The following FCHO2 variants were observed in gnomAD, a reference collection of about 807,000 sequenced individuals.
FCHO2 encodes F-BAR domain only protein 2.
In FCHO2, 43 loss-of-function variants were observed where a neutral mutation model predicts 114.1. That is an observed-to-expected ratio of 0.38 (90% CI 0.30 to 0.49). The LOEUF (loss-of-function observed/expected upper bound fraction) is 0.49, where lower values mean the gene tolerates loss of function less well. Among genes scored for constraint, FCHO2 ranks in the 20% least tolerant of loss-of-function variants. FCHO2 has a pLI of 0.97. For missense variants in FCHO2, 807 were observed against 950.4 expected, an observed-to-expected ratio of 0.85 and a Z score of 1.98; for synonymous variants, 293 against 315.2, an observed-to-expected ratio of 0.93 and a Z score of 0.75.
At chr5:73,004,294 C>T (rs1237212019) in intron 5 of FCHO2, among the ~76,000 whole-genome samples, 2 of 151,840 alleles carry the variant, frequency 1.3e-5, no homozygotes, top group Non-Finnish European at 2.9e-5. Flanking sequence ...TTAGCTGTTA[C>T]GTATTTGAAC....
chr5:73,069,734 A>G (rs562636927), intron 19 of FCHO2, among the ~76,000 whole-genome samples: 38 of 152,224 alleles, frequency 2.5e-4, no homozygotes, highest in African/African-American at 8.7e-4. Flanking sequence ...AAGCATAGCT[A>G]TATGAACCTA....
chr5:72,990,682 C>A, intron 4 of FCHO2, 30 bp from the exon 5 acceptor site: 1 of 1,537,678 alleles, frequency 6.5e-7, no homozygotes, highest in South Asian at 1.3e-5. Flanking sequence ...ATAGTTCAGT[C>A]ATTTTGATGG....
chr5:73,014,428 A>T (rs1379714319), intron 6 of FCHO2, among the ~76,000 whole-genome samples: 1 of 151,462 alleles, frequency 6.6e-6, no homozygotes, highest in East Asian at 2.0e-4. Flanking sequence ...AGCTGGGATT[A>T]CAGGCACGCG....
intron 1 of FCHO2, among the ~76,000 whole-genome samples, chr5:72,963,434 T>C (rs185198249): frequency 2.6e-4 from 39 of 152,332 alleles, no homozygotes; most frequent in Non-Finnish European, 4.4e-4. Flanking sequence ...AAATTCAAGA[T>C]AGATTCTACT....
At chr5:73,012,646 A>G (rs1580100843) in intron 6 of FCHO2, among the ~76,000 whole-genome samples, 1 of 152,006 alleles carries the variant, frequency 6.6e-6, no homozygotes, top group African/African-American at 2.4e-5. Flanking sequence ...AAATTAATGT[A>G]ACAATACATG....
intron 20 of FCHO2, 78 bp downstream of exon 20, chr5:73,074,931 T>C: frequency 8.9e-7 from 1 of 1,126,832 alleles, no homozygotes; most frequent in Non-Finnish European, 1.2e-6. Flanking sequence ...GGTGGTAAAT[T>C]TTAAGAATTA....
At chr5:73,002,645 A>AT (rs972791831) in intron 5 of FCHO2, among the ~76,000 whole-genome samples, 2 of 152,208 alleles carry the variant, frequency 1.3e-5, no homozygotes, top group African/African-American at 4.8e-5. Flanking sequence ...TTATTCAAAT[A>AT]TTTTTCTGAT....
chr5:72,960,847 T>C (rs561648830), intron 1 of FCHO2, among the ~76,000 whole-genome samples: 2 of 152,286 alleles, frequency 1.3e-5, no homozygotes, highest in East Asian at 3.9e-4. Context: ...CTATATACGA[T>C]ATGAAGCATT....
chr5:72,983,656 C>T (rs958277931), intron 2 of FCHO2, among the ~76,000 whole-genome samples: 11 of 150,970 alleles, frequency 7.3e-5, no homozygotes, highest in African/African-American at 1.9e-4. Context: ...CCCAAAGTGC[C>T]GGGATTTTAC....
rs1580139746 is a variant in FCHO2 at position 73,034,720 on chromosome 5, AT to A, written c.841+20del. On this transcript the variant is annotated intron_variant, in intron 9 of 25. Transcript: ENST00000430046. ...GTTGAAGGTAAGTTGATTAGTTATA[AT>A]ATGTTAATGCACATGGCAGCTAGCT... 6.4e-7 allele frequency: 1 copy of A among 1,574,492 alleles called. No individual in the cohort carries two copies. Among genetic ancestry groups the A allele is most frequent in the Middle Eastern group, 1.7e-4 (1 of 5,918 alleles).
rs542003065 is a variant in FCHO2, at chr5:72,998,554, C to T, written c.495+7690C>T. On this transcript the variant is annotated intron_variant, in intron 5 of 25. Coordinates refer to ENST00000430046, the MANE Select transcript of FCHO2 (RefSeq NM_138782.3). ...TTGGTAGATACTATAACATTCATGC[C>T]CAACAGTGAATTGGTATGGGTTTCA... 2.6e-5 allele frequency among the ~76,000 whole-genome samples: 4 copies of T among 151,928 alleles called. No homozygotes were observed. The South Asian group carries it at 8.3e-4, about 32-fold the overall frequency.
intron 18 of FCHO2, among the ~76,000 whole-genome samples, chr5:73,066,391 C>T (rs1038527603): frequency 6.6e-6 from 1 of 151,882 alleles, no homozygotes; most frequent in African/African-American, 2.4e-5. Flanking sequence ...TTATTATAAA[C>T]AATGTCTTAA....
chr5:73,045,894 G>T (rs1407685451), intron 11 of FCHO2, among the ~76,000 whole-genome samples: 1 of 152,024 alleles, frequency 6.6e-6, no homozygotes, highest in African/African-American at 2.4e-5. Context: ...TTGTTCCTCT[G>T]TTTTTGTTTC....
chr5:73,010,397 G>A (rs1223353715), intron 6 of FCHO2, among the ~76,000 whole-genome samples: 1 of 152,160 alleles, frequency 6.6e-6, no homozygotes, highest in East Asian at 1.9e-4. Flanking sequence ...GCAGTGAGAT[G>A]GCTAGTTTAT....
At chr5:73,038,444 T>G (rs906545812) in intron 10 of FCHO2, among the ~76,000 whole-genome samples, 2 of 152,192 alleles carry the variant, frequency 1.3e-5, no homozygotes, top group African/African-American at 4.8e-5. Flanking sequence ...CGATCAAAAG[T>G]CTTGAGTCAA....
intron 9 of FCHO2, among the ~76,000 whole-genome samples, chr5:73,036,295 G>A (rs990457590): frequency 4.6e-5 from 7 of 152,086 alleles, no homozygotes; most frequent in African/African-American, 1.7e-4. Context: ...GTTTGTATTA[G>A]GGACAACATT....
chr5:73,000,471 TAAAAAAA>T (rs759939269), intron 5 of FCHO2, among the ~76,000 whole-genome samples: 1 of 74,422 alleles, frequency 1.3e-5, no homozygotes, highest in Admixed American at 1.7e-4. Context: ...AACTCAGTCT[TAAAAAAA>T]AAAAAAAAAA....
At chr5:72,975,429 C>G (rs138655136) in intron 2 of FCHO2, among the ~76,000 whole-genome samples, 1 of 152,126 alleles carries the variant, frequency 6.6e-6, no homozygotes, top group African/African-American at 2.4e-5. Context: ...TGGATTCAAG[C>G]GATTCTTGTG....
intron 22 of FCHO2, among the ~76,000 whole-genome samples, 172 bp from the exon 23 acceptor site, chr5:73,081,611 T>A (rs751948256): frequency 6.6e-6 from 1 of 152,180 alleles, no homozygotes; most frequent in Non-Finnish European, 1.5e-5. Context: ...GGTCCCCACA[T>A]TGAGAATGAT....
Sources: allele counts gnomAD v4.1 joint callset (sites outside exome capture counted in the v4.1 genomes callset), GRCh38; gene constraint gnomAD v4.1.1; transcripts MANE v1.5; gene names NCBI Gene and HGNC (gene_info 2026-07-23, HGNC 2026-07-21).